Variants in TBC1D19 observed in about 807,000 individuals in gnomAD.
TBC1D19 encodes TBC1 domain family member 19, also known as TBC1 domain family, member 19.
TBC1D19 carries 60 observed loss-of-function variants against 89.0 expected under a neutral mutation model. The observed-to-expected ratio is 0.67, with a 90% CI of 0.55 to 0.84. The LOEUF (loss-of-function observed/expected upper bound fraction) is 0.84. Ranked by LOEUF, TBC1D19 falls within the 40% of genes least tolerant of loss-of-function variation. The pLI is 0.00. For missense variants in TBC1D19, 500 were observed against 610.8 expected (o/e 0.82, Z 1.91); for synonymous variants, 189 against 199.7 (o/e 0.95, Z 0.45).
the TBC1D19 span, among the ~76,000 whole-genome samples, chr4:26,786,782 TGGATGGATGGATGG>T: frequency 6.7e-6 from 1 of 148,646 alleles, no homozygotes; most frequent in Admixed American, 6.7e-5. Flanking sequence ...GATGGATGGA[TGGATGGATGGATGG>T]GTGGGTGGAA....
chr4:26,604,601 T>C (rs1168530108), intron 1 of TBC1D19, among the ~76,000 whole-genome samples: 1 of 151,052 alleles, frequency 6.6e-6, no homozygotes, highest in Non-Finnish European at 1.5e-5. Flanking sequence ...CCGGGCATGG[T>C]GGCTCACGCC....
chr4:26,754,109 A>G (rs1264845631), intron 20 of TBC1D19: 8 of 495,802 alleles, frequency 1.6e-5, no homozygotes, highest in South Asian at 2.9e-5. Context: ...CAAGATTATT[A>G]TAGGAAACCA....
intron 13 of TBC1D19, among the ~76,000 whole-genome samples, chr4:26,695,051 T>A (rs1285267816): frequency 6.6e-6 from 1 of 152,142 alleles, no homozygotes; most frequent in Non-Finnish European, 1.5e-5. Context: ...GAGAATGACT[T>A]TGACGAGTTG....
At chr4:26,653,346 T>C (rs561856615) in intron 7 of TBC1D19, among the ~76,000 whole-genome samples, 1 of 152,328 alleles carries the variant, frequency 6.6e-6, no homozygotes, top group African/African-American at 2.4e-5. Context: ...TATATTCTGT[T>C]GACTTGGGGT....
chr4:26,716,981 A>G (rs907378107), intron 13 of TBC1D19, among the ~76,000 whole-genome samples: 1 of 152,020 alleles, frequency 6.6e-6, no homozygotes, highest in African/African-American at 2.4e-5. Flanking sequence ...ATTAACATGT[A>G]CCACTTATGT....
At chr4:26,753,707 T>A (rs1387035640) in intron 19 of TBC1D19, 113 bp from the exon 20 acceptor site, 2 of 1,068,712 alleles carry the variant, frequency 1.9e-6, no homozygotes, top group Admixed American at 1.9e-5. Flanking sequence ...TGGTCCGTTG[T>A]GTAAAGCACT....
the TBC1D19 span, among the ~76,000 whole-genome samples, chr4:26,762,152 T>G: frequency 1.3e-5 from 2 of 151,918 alleles, no homozygotes; most frequent in East Asian, 3.9e-4. Flanking sequence ...AATAAATAAA[T>G]AAAACAGTAG....
the TBC1D19 span, among the ~76,000 whole-genome samples, chr4:26,820,822 A>C: frequency 6.6e-6 from 1 of 152,170 alleles, no homozygotes; most frequent in Non-Finnish European, 1.5e-5. Context: ...CACCTACTCC[A>C]TAAAATATAT....
chr4:26,742,010 A>G (rs1718401950), intron 17 of TBC1D19, among the ~76,000 whole-genome samples: 1 of 152,192 alleles, frequency 6.6e-6, no homozygotes, highest in Non-Finnish European at 1.5e-5. Context: ...CTGGGGGTAG[A>G]TTTCAAAGAA....
the TBC1D19 span, among the ~76,000 whole-genome samples, chr4:26,828,265 G>T: frequency 1.3e-5 from 2 of 152,166 alleles, no homozygotes; most frequent in African/African-American, 4.8e-5. Flanking sequence ...AGCCTCTTAG[G>T]CTCCAGCTTC....
intron 15 of TBC1D19, among the ~76,000 whole-genome samples, chr4:26,724,617 A>G (rs922592201): frequency 6.6e-6 from 1 of 152,220 alleles, no homozygotes; most frequent in African/African-American, 2.4e-5. Flanking sequence ...TTAAATATCT[A>G]GAACCAAAAA....
chr4:26,762,373 T>C, the TBC1D19 span, among the ~76,000 whole-genome samples: 1 of 152,304 alleles, frequency 6.6e-6, no homozygotes, highest in East Asian at 1.9e-4. Flanking sequence ...TCCTTAAAAC[T>C]TTTTTCTTAG....
chr4:26,702,536 A>G (rs1410898686), intron 13 of TBC1D19: 1 of 152,198 alleles, frequency 6.6e-6, no homozygotes, highest in Non-Finnish European at 1.5e-5. Context: ...AGTATCACAA[A>G]CAGTAAGTAC....
At chr4:26,853,576 C>T in the TBC1D19 span, among the ~76,000 whole-genome samples, 5,878 of 152,000 alleles carry the variant, frequency 0.039, 252 homozygotes, top group African/African-American at 0.1. Context: ...CTCGCTCCGT[C>T]GCCCAGGCTG....
intron 15 of TBC1D19, among the ~76,000 whole-genome samples, chr4:26,729,693 GC>G (rs779067890): frequency 9.2e-5 from 14 of 152,174 alleles, no homozygotes; most frequent in Non-Finnish European, 1.8e-4. Context: ...AGGATAGTAT[GC>G]CAAGGGGGAG....
At chr4:26,772,830 G>A in the TBC1D19 span, among the ~76,000 whole-genome samples, 12 of 152,194 alleles carry the variant, frequency 7.9e-5, no homozygotes, top group Admixed American at 3.3e-4. Flanking sequence ...TTTCCATGGC[G>A]TATATGTGCC....
chr4:26,811,265 A>C, the TBC1D19 span, among the ~76,000 whole-genome samples: 1 of 152,250 alleles, frequency 6.6e-6, no homozygotes, highest in African/African-American at 2.4e-5. Context: ...ACAGAAAACC[A>C]AACACTGCAT....
At chr4:26,687,468 A>G (rs1156498731) in intron 12 of TBC1D19, among the ~76,000 whole-genome samples, 3 of 152,298 alleles carry the variant, frequency 2.0e-5, no homozygotes, top group South Asian at 2.1e-4. Context: ...AACTCTGGAC[A>G]TAATATTCAG....
intron 7 of TBC1D19, among the ~76,000 whole-genome samples, chr4:26,652,932 C>G (rs1481117025): frequency 6.6e-6 from 1 of 152,090 alleles, no homozygotes; most frequent in Non-Finnish European, 1.5e-5. Context: ...TTTGCTCTTG[C>G]TTCTCTAGTT....
Sources: allele counts gnomAD v4.1 joint callset (sites outside exome capture counted in the v4.1 genomes callset), GRCh38; gene constraint gnomAD v4.1.1; transcripts MANE v1.5; gene names NCBI Gene and HGNC (gene_info 2026-07-23, HGNC 2026-07-21).